ABCC8: variants seen among roughly 807,000 people sequenced by gnomAD.
ABCC8 encodes ATP binding cassette subfamily C member 8.
Under a neutral mutation model 188.0 loss-of-function variants are expected in ABCC8, and 137 were observed. That is an observed-to-expected ratio of 0.73 (90% CI 0.63 to 0.84). The LOEUF is 0.84. Ranked by LOEUF, ABCC8 falls within the 40% of genes least tolerant of loss-of-function variation. The probability of loss-of-function intolerance (pLI) is 0.00; values close to 1 mark genes in which losing one functional copy is unlikely to be tolerated. For synonymous variants in ABCC8, 797 were observed against 846.5 expected, an observed-to-expected ratio of 0.94 and a Z score of 1.01; for missense variants, 1,750 against 2,072.7, an observed-to-expected ratio of 0.84 and a Z score of 3.02.
intron 6 of ABCC8, among the ~76,000 whole-genome samples, chr11:17,454,472 G>A (rs1956921225): frequency 6.6e-6 from 1 of 152,164 alleles, no homozygotes; most frequent in South Asian, 2.1e-4. Context: ...TAAGAGGAAG[G>A]CCCTACCGAG....
chr11:17,442,637 C>T, intron 10 of ABCC8, 83 bp downstream of exon 10: 1 of 1,394,844 alleles, frequency 7.2e-7, no homozygotes, highest in Non-Finnish European at 1.0e-6. Flanking sequence ...TCTGTCCCTG[C>T]ACCCCCTCTT....
intron 3 of ABCC8, among the ~76,000 whole-genome samples, chr11:17,465,207 C>A (rs1375425460): frequency 6.6e-6 from 1 of 152,198 alleles, no homozygotes; most frequent in Non-Finnish European, 1.5e-5. Context: ...TGAAGGCTGT[C>A]CCCCTGCCTC....
Position 17,397,735 on chromosome 11 carries a change from G to C in ABCC8, c.3816C>G (p.His1272Gln). ...CCACCAGGCCAGCAGAGAGCTCCCT[G>C]TGCAGGGAGTTGGAGATGGAGGTCA... ...AAVTSISNSLHRELSAGLVGL... is the reference protein window; with the variant it reads ...AAVTSISNSLQRELSAGLVGL... Residue 1272 changes from histidine to glutamine, a missense_variant, in exon 31 of 39, where the codon CAC becomes CAG. By Grantham distance (24) the His-to-Gln change is conservative. Coordinates refer to ENST00000389817, the MANE Select transcript of ABCC8 (RefSeq NM_000352.6). 2 of 1,613,820 alleles carry C rather than the reference G, an allele frequency of 1.2e-6. No individual in the cohort carries two copies. The highest frequency in any genetic ancestry group is 1.7e-6 in the Non-Finnish European group (2 of 1,179,998).
At chr11:17,430,363 G>A (rs1181968004) in intron 12 of ABCC8, 2 of 305,630 alleles carry the variant, frequency 6.5e-6, no homozygotes, top group East Asian at 1.6e-4. Context: ...AGGCTGTGAG[G>A]GCTCAGGGGC....
At chr11:17,467,041 A>ACC (rs1290765678) in intron 3 of ABCC8, among the ~76,000 whole-genome samples, 2 of 37,364 alleles carry the variant, frequency 5.4e-5, no homozygotes, top group African/African-American at 1.9e-4. Context: ...AACATGTTAA[A>ACC]CCACACACAC....
Position 17,395,611 on chromosome 11 carries a change from G to A in ABCC8, c.4306C>T (p.Arg1436Ter), listed in dbSNP as rs193922402. Residue 1436 changes from arginine to a stop codon, truncating the protein, a stop_gained and splice_region_variant, in exon 35 of 39, where the codon CGA becomes TGA. Transcript: ENST00000389817. LOFTEE classifies it high-confidence loss of function. Reference sequence around the variant, plus strand: ...GGCCTGAGGGGTGGTGGGGCTCACCGGATGGTGCCGCTGAAGAGGACGGGG... The same window carrying A: ...GGCCTGAGGGGTGGTGGGGCTCACCAGATGGTGCCGCTGAAGAGGACGGGG... ...QDPVLFSGTI[R>*]FNLDPERKCS... 3.9e-6 allele frequency: 6 copies of A among 1,550,632 alleles called. No homozygotes were observed. The highest frequency in any genetic ancestry group is 1.4e-5 in the African/African-American group (1 of 73,232).
intron 6 of ABCC8, among the ~76,000 whole-genome samples, chr11:17,456,886 C>T (rs1198501324): frequency 2.0e-5 from 3 of 152,158 alleles, no homozygotes; most frequent in African/African-American, 7.2e-5. Flanking sequence ...AACCATTTCC[C>T]GTGCATCTCC....
At position 17,428,646 on chromosome 11, in the gene ABCC8, C is replaced by T. The variant is rs776060408; in HGVS notation, c.1842G>A (p.Leu614=). Residue 614 remains leucine, a synonymous_variant, in exon 13 of 39, where the codon CTG becomes CTA. Coordinates refer to ENST00000389817, the MANE Select transcript of ABCC8 (RefSeq NM_000352.6). ...GCTCCTCACGGATCTCTGCACTGGA[C>T]AGGAACTCGCTTAGCTTTTGCACGC... ...LVSVQKLSEF[L]SSAEIREEQC... 2 of 1,613,826 alleles carry T rather than the reference C, an allele frequency of 1.2e-6. No homozygotes were observed. The highest frequency in any genetic ancestry group is 2.2e-5 in the South Asian group (2 of 91,084).
Position 17,431,044 on chromosome 11 carries a change from A to G in ABCC8, c.1672-85T>C, listed in dbSNP as rs578216851. 7.8e-5 allele frequency: 122 copies of G among 1,568,830 alleles called. No homozygotes were observed. The African/African-American group carries it at 1.5e-3, about 19-fold the overall frequency. ...GGAAACGCTCAGCACTGGAAGGGAA[A>G]TGAGAGGGCTGTCAGGGAGCAGGCT... On this transcript the variant is annotated intron_variant, in intron 11 of 38. Transcript: ENST00000389817.
chr11:17,447,424 G>A (rs1297342018), intron 8 of ABCC8, among the ~76,000 whole-genome samples: 1 of 152,098 alleles, frequency 6.6e-6, no homozygotes, highest in Non-Finnish European at 1.5e-5. Context: ...ATGTTTTAAC[G>A]TTTTTATTTT....
intron 23 of ABCC8, 65 bp downstream of exon 23, chr11:17,408,327 G>A: frequency 6.7e-7 from 1 of 1,498,298 alleles, no homozygotes; most frequent in African/African-American, 1.4e-5. Context: ...ACCTTTATGA[G>A]TTCAGGTTCT....
chr11:17,438,464 C>A (rs748006631), intron 10 of ABCC8, among the ~76,000 whole-genome samples: 18 of 152,124 alleles, frequency 1.2e-4, no homozygotes, highest in Non-Finnish European at 1.9e-4. Flanking sequence ...ACATCCAGAA[C>A]CTCCGTAGAG....
rs1486329558 is a variant in ABCC8 at position 17,432,263 on chromosome 11, G to A, written c.1631-19C>T. ...ATGAAAACTGCAGAGGAAGCACAGG[G>A]AGGCGTTTAGTGGGAGGAGCGTGAC... is the stretch of plus-strand genomic sequence containing the variant. On this transcript the variant is annotated intron_variant, in intron 10 of 38. Transcript: ENST00000389817. 2 of 1,551,866 alleles carry A rather than the reference G, an allele frequency of 1.3e-6. No homozygotes were observed. Among genetic ancestry groups the A allele is most frequent in the African/African-American group, 2.7e-5 (2 of 73,068 alleles).
chr11:17,413,665 GC>G, intron 19 of ABCC8, 187 bp from the exon 20 acceptor site: 2 of 1,230,784 alleles, frequency 1.6e-6, no homozygotes, highest in South Asian at 1.4e-5. Flanking sequence ...ACTTCACACA[GC>G]GTTTGGGCAG....
chr11:17,432,728 C>A (rs1955904917), intron 10 of ABCC8, among the ~76,000 whole-genome samples: 1 of 152,176 alleles, frequency 6.6e-6, no homozygotes, highest in South Asian at 2.1e-4. Context: ...GTATTAGTAA[C>A]TAAGGACAGC....
chr11:17,397,485 G>A, intron 31 of ABCC8, 172 bp from the exon 32 acceptor site: 1 of 1,450,226 alleles, frequency 6.9e-7, no homozygotes, highest in South Asian at 1.2e-5. Flanking sequence ...GGTCAGTCAT[G>A]TGGCTCCCCA....
chr11:17,476,423 G>A (rs1848778752), intron 1 of ABCC8, among the ~76,000 whole-genome samples: 1 of 152,256 alleles, frequency 6.6e-6, no homozygotes, highest in South Asian at 2.1e-4. Flanking sequence ...TGTTTGGCGC[G>A]GGATCGGGGG....
At chr11:17,412,988 C>G in intron 20 of ABCC8, 1 of 765,192 alleles carries the variant, frequency 1.3e-6, no homozygotes, top group Non-Finnish European at 2.0e-6. Flanking sequence ...CTGACCAGTA[C>G]AAACAAAGAC....
intron 20 of ABCC8, 78 bp downstream of exon 20, chr11:17,413,316 T>C: frequency 5.1e-6 from 8 of 1,571,374 alleles, no homozygotes; most frequent in South Asian, 2.2e-5. Flanking sequence ...TAGTTACCCA[T>C]TGTCCTGAGT....
Sources: gnomAD v4.1 joint callset for allele counts (sites outside exome capture counted in the v4.1 genomes callset) on GRCh38, gnomAD v4.1.1 for gene constraint, MANE v1.5 for transcripts, NCBI Gene and HGNC (gene_info 2026-07-23, HGNC 2026-07-21) for gene names.